BACH1: variants seen among roughly 807,000 people sequenced by gnomAD.
BACH1 encodes the protein BTB domain and CNC homolog 1.
Under a neutral mutation model 52.9 loss-of-function variants are expected in BACH1, and 35 were observed. The ratio of observed to expected loss-of-function variants is 0.66; its 90% confidence interval spans 0.51 to 0.88. The LOEUF (loss-of-function observed/expected upper bound fraction) is 0.88. Ranked by LOEUF, BACH1 falls within the 40% of genes least tolerant of loss-of-function variation. The probability of loss-of-function intolerance (pLI) is 0.00; values close to 1 mark genes in which losing one functional copy is unlikely to be tolerated. For synonymous variants in BACH1, 321 were observed against 319.6 expected (o/e 1.00, Z -0.05); for missense variants, 808 against 872.6 (o/e 0.93, Z 0.93).
intron 4 of BACH1, among the ~76,000 whole-genome samples, chr21:29,338,348 T>C (rs2089069868): frequency 6.6e-6 from 1 of 151,894 alleles, no homozygotes; most frequent in Admixed American, 6.6e-5. Flanking sequence ...ATACAATTAA[T>C]TTTTTTTTCT....
intron 2 of BACH1, among the ~76,000 whole-genome samples, chr21:29,321,905 G>T (rs530426073): frequency 6.6e-6 from 1 of 152,006 alleles, no homozygotes; most frequent in East Asian, 1.9e-4. Context: ...TTCTCGTGGC[G>T]CTAATAAAGA....
downstream of BACH1, among the ~76,000 whole-genome samples, chr21:29,350,335 C>A (rs975879387): frequency 6.6e-6 from 1 of 152,132 alleles, no homozygotes; most frequent in Middle Eastern, 3.2e-3. Context: ...AGGAACATTG[C>A]ATATTCCTTT....
intron 4 of BACH1, among the ~76,000 whole-genome samples, chr21:29,335,167 G>A (rs2089030040): frequency 6.6e-6 from 1 of 152,152 alleles, no homozygotes; most frequent in Admixed American, 6.5e-5. Context: ...ACAAATGACT[G>A]GAAAGCCTGC....
chr21:29,327,675 G>T (rs904490034), intron 3 of BACH1, among the ~76,000 whole-genome samples: 64 of 152,280 alleles, frequency 4.2e-4, no homozygotes, highest in Non-Finnish European at 3.8e-4. Flanking sequence ...ACAAAAATTA[G>T]CTGGGTGTGG....
At chr21:29,321,636 G>T in intron 2 of BACH1, 122 bp downstream of exon 2, 20 of 702,754 alleles carry the variant, frequency 2.8e-5, no homozygotes, top group Non-Finnish European at 3.2e-5. Context: ...CCCAGGTTCT[G>T]TGCAACCCCT....
Position 29,321,340 on chromosome 21 carries a change from T to G in BACH1, c.60T>G (p.Val20=). The part of the protein sequence containing the change: ...AYESSVHSTN[V]LLSLNDQRKK... Reference sequence around the variant, plus strand: ...AATCTTCTGTGCATAGCACCAATGTTTTACTCAGCCTTAATGACCAGCGGA... The same window carrying G: ...AATCTTCTGTGCATAGCACCAATGTGTTACTCAGCCTTAATGACCAGCGGA... Residue 20 remains valine, a synonymous_variant, in exon 2 of 5, where the codon GTT becomes GTG. Coordinates refer to ENST00000286800, the MANE Select transcript of BACH1 (RefSeq NM_001186.4). 1 of 1,614,202 alleles carries G rather than the reference T, an allele frequency of 6.2e-7. No individual in the cohort carries two copies. Among genetic ancestry groups the G allele is most frequent in the Non-Finnish European group, 8.5e-7 (1 of 1,180,038 alleles).
intron 2 of BACH1, among the ~76,000 whole-genome samples, chr21:29,354,868 A>G (rs533354953): frequency 4.7e-4 from 72 of 152,274 alleles, no homozygotes; most frequent in African/African-American, 1.7e-3. Context: ...TTGCCTGAAA[A>G]GTGTGTGTGT....
In BACH1 at chr21:29,326,913, A is replaced by G. The variant is rs750498485; in HGVS notation, c.1089A>G (p.Glu363=). The G allele has an allele frequency of 6.2e-7, 1 of 1,614,226 alleles. No individual in the cohort carries two copies. The highest frequency in any genetic ancestry group is 8.5e-7 in the Non-Finnish European group (1 of 1,180,040). Reference sequence around the variant, plus strand: ...ACGTCCAAGAAAAAACATTTGGTGAAAGTCAGGATTTACCTTTGAAATCCG... The same window carrying G: ...ACGTCCAAGAAAAAACATTTGGTGAGAGTCAGGATTTACCTTTGAAATCCG... ...GTDVQEKTFG[E]SQDLPLKSDL... The change falls in exon 3 of 5, where the codon GAA becomes GAG. Residue 363 remains glutamate, a synonymous_variant. Coordinates refer to ENST00000286800, the MANE Select transcript of BACH1 (RefSeq NM_001186.4).
intron 4 of BACH1, among the ~76,000 whole-genome samples, chr21:29,337,101 A>G (rs985207743): frequency 1.3e-5 from 2 of 152,168 alleles, no homozygotes; most frequent in Non-Finnish European, 2.9e-5. Context: ...ACATTTTTCA[A>G]ATTTGGCCTG....
chr21:29,329,601 C>T lies in BACH1; in HGVS notation c.1684C>T (p.Arg562Ter). Residue 562 changes from arginine (R) to a stop codon, truncating the protein, a stop_gained, in exon 4 of 5, where the codon CGA becomes TGA. Transcript: ENST00000286800. LOFTEE classifies it high-confidence loss of function. ...PEQLDCIHDI[R>*]RRSKNRIAAQ... ...ACAGCTGGATTGTATCCATGATATT[C>T]GAAGAAGAAGTAAAAACAGAATTGC... 6.2e-7 allele frequency: 1 copy of T among 1,605,504 alleles called. No homozygotes were observed. Among genetic ancestry groups the T allele is most frequent in the Non-Finnish European group, 8.5e-7 (1 of 1,176,968 alleles).
At chr21:29,349,339 C>T (rs2089189460), downstream of BACH1, among the ~76,000 whole-genome samples, 1 of 152,080 alleles carries the variant, frequency 6.6e-6, no homozygotes. Context: ...AAATCAGTAC[C>T]TATTATTTTT....
Position 29,321,424 on chromosome 21 carries a change from C to A in BACH1, c.144C>A (p.His48Gln). ...IFVEGQRFRA[H>Q]RSVLAACSSY... ...TGGAGGGACAGCGGTTCCGCGCTCA[C>A]CGGTCCGTGCTGGCGGCATGCAGCA... The change falls in exon 2 of 5, where the codon CAC becomes CAA. Residue 48 changes from histidine to glutamine, a missense_variant. By Grantham distance (24) the His-to-Gln change is conservative (BLOSUM62 0). Coordinates refer to ENST00000286800, the MANE Select transcript of BACH1 (RefSeq NM_001186.4). 6.2e-7 allele frequency: 1 copy of A among 1,614,208 alleles called. No homozygotes were observed. Among genetic ancestry groups the A allele is most frequent in the Non-Finnish European group, 8.5e-7 (1 of 1,180,046 alleles).
At chr21:29,358,029 T>C (rs2089245517) in intron 2 of BACH1, among the ~76,000 whole-genome samples, 1 of 152,186 alleles carries the variant, frequency 6.6e-6, no homozygotes, top group African/African-American at 2.4e-5. Context: ...CCCTCACTTC[T>C]TCTGCCCTTT....
chr21:29,360,032 G>A (rs1302143573), intron 2 of BACH1, among the ~76,000 whole-genome samples: 1 of 152,122 alleles, frequency 6.6e-6, no homozygotes, highest in East Asian at 1.9e-4. Context: ...AAGGCTGATC[G>A]AAGACCCCAA....
At chr21:29,336,989 T>C (rs2089052994) in intron 4 of BACH1, among the ~76,000 whole-genome samples, 1 of 152,198 alleles carries the variant, frequency 6.6e-6, no homozygotes, top group Non-Finnish European at 1.5e-5. Flanking sequence ...GTTTTCTCTT[T>C]TCCCTCCCTC....
chr21:29,345,879 A>G lies in BACH1; in HGVS notation c.*3046A>G, dbSNP rs1414365949. ...GAATGAAAATTAAAGCCATAATGGT[A>G]GAAGATGGCATACTGATTATAAAAG... On this transcript the variant is annotated 3_prime_UTR_variant, in exon 5 of 5. Coordinates refer to ENST00000286800, the MANE Select transcript of BACH1 (RefSeq NM_001186.4). 4 of 152,658 alleles carry G rather than the reference A, an allele frequency of 2.6e-5. No homozygotes were observed. In the East Asian group the frequency reaches 5.8e-4, roughly 22 times the overall value. The allele number at this position is 152,658 out of a possible 1,614,324, so 9.5% of individuals were successfully genotyped here. A position where few individuals can be genotyped will look rare whatever the true frequency, so the allele number is the denominator to read the frequency against.
chr21:29,307,002 G>A (rs2088665219), intron 1 of BACH1, among the ~76,000 whole-genome samples: 1 of 151,818 alleles, frequency 6.6e-6, no homozygotes, highest in Non-Finnish European at 1.5e-5. Flanking sequence ...ATTATATCTT[G>A]TAGTTTCTGA....
rs1014035721 is a variant in BACH1, at chr21:29,301,360, T to C, written c.-61+2407T>C. Among the ~76,000 whole-genome samples, 117 of 152,374 alleles carry C rather than the reference T, an allele frequency of 7.7e-4. 1 individual carries two copies. Among genetic ancestry groups the C allele is most frequent in the African/African-American group, 2.7e-3 (112 of 41,590 alleles). ...GCGTGCATGTCCTCCACCCCTTTGT[T>C]GCTGGGGGAACATAGCCTGTTAACC... On this transcript the variant is annotated intron_variant, in intron 1 of 4. Coordinates refer to ENST00000286800, the MANE Select transcript of BACH1 (RefSeq NM_001186.4).
In BACH1 at chr21:29,326,819, A is replaced by G; in HGVS notation, c.995A>G (p.Tyr332Cys). The change falls in exon 3 of 5, where the codon TAT becomes TGT. Residue 332 changes from tyrosine (Y) to cysteine (C), a missense_variant. Coordinates refer to ENST00000286800, the MANE Select transcript of BACH1 (RefSeq NM_001186.4). ...TCTCTTTTACACACATATGACCAAT[A>G]TGGTGACTTGAATTTTGCTGGTATG... is the stretch of plus-strand genomic sequence containing the variant. Reference protein sequence around the residue: ...SLSLLHTYDQYGDLNFAGMQN... With the variant: ...SLSLLHTYDQCGDLNFAGMQN... 1.2e-6 allele frequency: 2 copies of G among 1,614,196 alleles called. No individual in the cohort carries two copies. Among genetic ancestry groups the G allele is most frequent in the South Asian group, 2.2e-5 (2 of 91,084 alleles).
Sources: allele counts gnomAD v4.1 joint callset (sites outside exome capture counted in the v4.1 genomes callset), GRCh38; gene constraint gnomAD v4.1.1; transcripts MANE v1.5; gene names NCBI Gene and HGNC (gene_info 2026-07-23, HGNC 2026-07-21).